The following NRXN1 variants were observed in gnomAD, a reference collection of about 807,000 sequenced individuals.
NRXN1 encodes neurexin 1.
Under a neutral mutation model 150.9 loss-of-function variants are expected in NRXN1, and 39 were observed. That is an observed-to-expected ratio of 0.26 (90% CI 0.20 to 0.34). The LOEUF (loss-of-function observed/expected upper bound fraction) is 0.34, where lower values mean the gene tolerates loss of function less well. Ranked by LOEUF, NRXN1 falls within the 10% of genes least tolerant of loss-of-function variation. The pLI is 1.00. For synonymous variants in NRXN1, 924 were observed against 757.0 expected, an observed-to-expected ratio of 1.22 and a Z score of -3.62; for missense variants, 1,815 against 1,949.9, an observed-to-expected ratio of 0.93 and a Z score of 1.30.
intron 18 of NRXN1, among the ~76,000 whole-genome samples, chr2:50,126,972 C>T (rs989048622): frequency 1.3e-5 from 2 of 152,110 alleles, no homozygotes; most frequent in Non-Finnish European, 2.9e-5. Flanking sequence ...TTTCACAAAC[C>T]ATGTGTCTTA....
At chr2:50,370,373 A>G (rs141632213) in intron 17 of NRXN1, among the ~76,000 whole-genome samples, 263 of 152,168 alleles carry the variant, frequency 1.7e-3, no homozygotes, top group African/African-American at 6.3e-3. Context: ...TGCATTCTTA[A>G]CAAGAAACTA....
chr2:50,226,343 A>C (rs2064375771), intron 18 of NRXN1, among the ~76,000 whole-genome samples: 1 of 152,028 alleles, frequency 6.6e-6, no homozygotes, highest in African/African-American at 2.4e-5. Context: ...TTGAAATATC[A>C]GCCTATTTTC....
chr2:50,635,210 T>A lies in NRXN1; in HGVS notation c.833-11595A>T, dbSNP rs188270725. ...TCTCGCTCTGTCACCCAGGCTGGAG[T>A]GCAGTGGCGCGATCTCAGCTCACTG... On this transcript the variant is annotated intron_variant, in intron 5 of 22. Coordinates refer to ENST00000401669, the MANE Select transcript of NRXN1 (RefSeq NM_001330078.2). 7.1e-4 allele frequency among the ~76,000 whole-genome samples: 107 copies of A among 151,586 alleles called. 1 individual carries two copies. Among genetic ancestry groups the A allele is most frequent in the African/African-American group, 2.5e-3 (103 of 41,334 alleles).
intron 18 of NRXN1, among the ~76,000 whole-genome samples, chr2:50,139,630 AC>A (rs1315200770): frequency 6.6e-6 from 1 of 152,092 alleles, no homozygotes; most frequent in African/African-American, 2.4e-5. Context: ...ACAAAACACC[AC>A]CAGTAATGAT....
chr2:50,638,165 G>A (rs1239456182), intron 5 of NRXN1, among the ~76,000 whole-genome samples: 1 of 152,116 alleles, frequency 6.6e-6, no homozygotes, highest in Non-Finnish European at 1.5e-5. Flanking sequence ...AAACAGAGAT[G>A]ATCATCAGAA....
At position 50,552,946 on chromosome 2, in the gene NRXN1, C is replaced by T. The variant is rs749766261; in HGVS notation, c.1400G>A (p.Gly467Glu). The T allele has an allele frequency of 3.8e-5, 61 of 1,613,686 alleles. No homozygotes were observed. Among genetic ancestry groups the T allele is most frequent in the Non-Finnish European group, 1.7e-6 (2 of 1,179,746 alleles). ...KQGDPKMKIH[G>E]VVAFKCENVA... ...ATTCTCACATTTAAATGCCACCACT[C>T]CATGGATCTTCATCTTAGGATCTCC... Residue 467 changes from glycine (G) to glutamate (E), a missense_variant, in exon 9 of 23, where the codon GGA becomes GAA. By Grantham distance (98) the Gly-to-Glu change is moderately conservative. Around this residue, in one of 6 missense-constraint regions of NRXN1, gnomAD observed 638 missense variants for 652.6 expected, o/e 0.98. Transcript: ENST00000401669.
chr2:50,768,854 C>T (rs919089987), intron 5 of NRXN1, among the ~76,000 whole-genome samples: 2 of 151,822 alleles, frequency 1.3e-5, no homozygotes, highest in East Asian at 3.9e-4. Context: ...TCCATACATG[C>T]TTTTGGGTTA....
chr2:50,891,039 A>C (rs1263011347), intron 5 of NRXN1, among the ~76,000 whole-genome samples: 1 of 152,006 alleles, frequency 6.6e-6, no homozygotes, highest in Non-Finnish European at 1.5e-5. Flanking sequence ...TTTACTACTT[A>C]GGGGCTTAGA....
rs559328096 is a variant in NRXN1 at position 50,354,628 on chromosome 2, G to GT, written c.3364+110813dup. On this transcript the variant is annotated intron_variant, in intron 17 of 22. Coordinates refer to ENST00000401669, the MANE Select transcript of NRXN1 (RefSeq NM_001330078.2). ...TTTTTGCTGTTGTTTTCTGAAATGGGTTTTTTTTCCCCTTGTTTTATGGTA... is the reference window on the plus strand; with the variant it reads ...TTTTTGCTGTTGTTTTCTGAAATGGGTTTTTTTTTCCCCTTGTTTTATGGTA... Among the ~76,000 whole-genome samples the GT allele has an allele frequency of 1.1e-4, 15 of 138,696 alleles. No individual in the cohort carries two copies. In the East Asian group the frequency reaches 2.6e-3, roughly 24 times the overall value. 91.0% of individuals were successfully genotyped at this position (138,696 alleles called of 152,430 possible).
At chr2:50,710,028 T>C (rs1257298628) in intron 5 of NRXN1, among the ~76,000 whole-genome samples, 1 of 152,180 alleles carries the variant, frequency 6.6e-6, no homozygotes, top group African/African-American at 2.4e-5. Flanking sequence ...AATTGTTGAC[T>C]AGAAAGCATC....
intron 21 of NRXN1, among the ~76,000 whole-genome samples, chr2:49,998,229 C>T (rs886465828): frequency 2.0e-5 from 3 of 152,114 alleles, no homozygotes; most frequent in African/African-American, 4.8e-5. Flanking sequence ...ATCCCTGAAC[C>T]TTGTCTCAAC....
chr2:50,554,552 G>A (rs1250794151), intron 8 of NRXN1: 1 of 151,998 alleles, frequency 6.6e-6, no homozygotes, highest in African/African-American at 2.4e-5. Flanking sequence ...ACACATAAGT[G>A]GGAAAATCTA....
At chr2:50,270,168 T>A (rs1031188493) in intron 17 of NRXN1, among the ~76,000 whole-genome samples, 3 of 152,050 alleles carry the variant, frequency 2.0e-5, no homozygotes, top group African/African-American at 7.2e-5. Flanking sequence ...ATAGATTAAG[T>A]GGGTGTGGTG....
intron 13 of NRXN1, among the ~76,000 whole-genome samples, chr2:50,505,441 G>C (rs1405105558): frequency 6.6e-6 from 1 of 152,148 alleles, no homozygotes; most frequent in Non-Finnish European, 1.5e-5. Context: ...GCCGTTGGCA[G>C]CTGCCTCTTC....
chr2:50,984,341 A>G (rs754885836), intron 2 of NRXN1, among the ~76,000 whole-genome samples: 10 of 151,692 alleles, frequency 6.6e-5, no homozygotes, highest in Non-Finnish European at 5.9e-5. Flanking sequence ...GAATTAGAAA[A>G]AGGTTTCTCT....
Position 51,028,123 on chromosome 2 carries a change from C to T in NRXN1, c.151G>A (p.Glu51Lys). The T allele has an allele frequency of 6.4e-7, 1 of 1,568,158 alleles. No individual in the cohort carries two copies. Among genetic ancestry groups the T allele is most frequent in the East Asian group, 2.3e-5 (1 of 43,306 alleles). Reference sequence around the variant, plus strand: ...TTGAGCTGGAAGCTCATCTCGCTCTCGCAGCAGGCGTTCCACTTGGGGAAG... The same window carrying T: ...TTGAGCTGGAAGCTCATCTCGCTCTTGCAGCAGGCGTTCCACTTGGGGAAG... ...TRFPKWNACC[E>K]SEMSFQLKTR... Residue 51 changes from glutamate to lysine, a missense_variant, in exon 2 of 23, where the codon GAG becomes AAG. Glu to Lys is a moderately conservative substitution (Grantham distance 56). Coordinates refer to ENST00000401669, the MANE Select transcript of NRXN1 (RefSeq NM_001330078.2).
At chr2:50,080,590 T>A (rs1338856180) in intron 19 of NRXN1, among the ~76,000 whole-genome samples, 2 of 152,146 alleles carry the variant, frequency 1.3e-5, no homozygotes, top group African/African-American at 2.4e-5. Context: ...AAACCATGCA[T>A]TTTGGTTTTA....
At chr2:50,016,326 T>C (rs1686589772) in intron 21 of NRXN1, among the ~76,000 whole-genome samples, 1 of 152,140 alleles carries the variant, frequency 6.6e-6, no homozygotes, top group African/African-American at 2.4e-5. Context: ...TTTAGTCAAC[T>C]AAACTTGAAG....
At position 50,157,427 on chromosome 2, in the gene NRXN1, A is replaced by T. The variant is rs573995475; in HGVS notation, c.3547-65933T>A. The stretch of plus-strand genomic sequence containing the variant: ...ATGAAATTATGTATGCAATATACAC[A>T]TTACATATTATTCCAGGAATACGTA... On this transcript the variant is annotated intron_variant, in intron 18 of 22. Coordinates refer to ENST00000401669, the MANE Select transcript of NRXN1 (RefSeq NM_001330078.2). Among the ~76,000 whole-genome samples, 105 of 152,212 alleles carry T rather than the reference A, an allele frequency of 6.9e-4. No homozygotes were observed. The South Asian group carries it at 0.011, about 16-fold the overall frequency.
Sources: gnomAD v4.1 joint callset for allele counts (sites outside exome capture counted in the v4.1 genomes callset) on GRCh38, gnomAD v4.1.1 for gene constraint, gnomAD v4.1.1 regional missense constraint, MANE v1.5 for transcripts, NCBI Gene and HGNC (gene_info 2026-07-23, HGNC 2026-07-21) for gene names.